Variants in PSMD1 observed in about 807,000 individuals in gnomAD.
PSMD1 encodes the protein proteasome 26S subunit, non-ATPase 1, also known as 26S proteasome non-ATPase regulatory subunit 1.
Under a neutral mutation model 119.0 loss-of-function variants are expected in PSMD1, and 18 were observed. That is an observed-to-expected ratio of 0.15 (90% CI 0.10 to 0.22). The LOEUF (loss-of-function observed/expected upper bound fraction) is 0.22, where lower values mean the gene tolerates loss of function less well. Ranked by LOEUF, PSMD1 falls within the 10% of genes least tolerant of loss-of-function variation. PSMD1 has a pLI of 1.00. For missense variants in PSMD1, 702 were observed against 1,158.5 expected (o/e 0.61, Z 5.72); for synonymous variants, 374 against 396.6 (o/e 0.94, Z 0.68).
chr2:231,157,014 T>C (rs1696521468), intron 19 of PSMD1, among the ~76,000 whole-genome samples: 1 of 152,206 alleles, frequency 6.6e-6, no homozygotes, highest in South Asian at 2.1e-4. Context: ...CTTTTCAGAT[T>C]ACTTCTTTTG....
chr2:231,087,428 C>G lies in PSMD1; in HGVS notation c.1883+247C>G, dbSNP rs182159228. Among the ~76,000 whole-genome samples the G allele has an allele frequency of 6.9e-4, 105 of 152,274 alleles. 2 individuals are homozygous for G. Among genetic ancestry groups the G allele is most frequent in the Admixed American group, 6.9e-3 (105 of 15,296 alleles). On this transcript the variant is annotated intron_variant, in intron 16 of 24. Coordinates refer to ENST00000308696, the MANE Select transcript of PSMD1 (RefSeq NM_002807.4). The stretch of plus-strand genomic sequence containing the variant: ...GTTATTTCTGTTCATTTTTTGGTAG[C>G]ATTCTGCTTATTCATTTAACTTTTT...
chr2:231,105,885 C>G (rs924808680), intron 16 of PSMD1, among the ~76,000 whole-genome samples: 5 of 152,044 alleles, frequency 3.3e-5, no homozygotes, highest in African/African-American at 1.2e-4. Flanking sequence ...ATACTGTTCT[C>G]TGTTTTTGCC....
chr2:231,170,551 C>A lies in PSMD1; in HGVS notation c.2716-15C>A. ...AAATATGAGTGTACGCTTCTGCACG[C>A]CCCTGTGTTTCCAGCTCTCTATTGG... On this transcript the variant is annotated splice_polypyrimidine_tract_variant and intron_variant, in intron 23 of 24. Coordinates refer to ENST00000308696, the MANE Select transcript of PSMD1 (RefSeq NM_002807.4). This position sits in a 1 kb window ranked among gnomAD's most constrained non-coding sequence, Gnocchi z 4.1. The A allele has an allele frequency of 6.2e-7, 1 of 1,604,312 alleles. No homozygotes were observed. Among genetic ancestry groups the A allele is most frequent in the East Asian group, 2.2e-5 (1 of 44,648 alleles).
intron 21 of PSMD1, 166 bp from the exon 22 acceptor site, chr2:231,165,034 T>TTATATATATA (rs66656378): frequency 5.0e-4 from 11 of 21,818 alleles, no homozygotes; most frequent in East Asian, 1.6e-3. Context: ...TTATATATAT[T>TTATATATATA]TATATATATA....
intron 16 of PSMD1, among the ~76,000 whole-genome samples, chr2:231,091,028 G>A (rs1483684323): frequency 6.6e-6 from 1 of 152,206 alleles, no homozygotes; most frequent in Non-Finnish European, 1.5e-5. Context: ...CCCTGGCCGA[G>A]TGATAGATGA....
intron 16 of PSMD1, among the ~76,000 whole-genome samples, chr2:231,119,898 A>G (rs925125056): frequency 6.6e-6 from 1 of 151,080 alleles, no homozygotes; most frequent in Non-Finnish European, 1.5e-5. Flanking sequence ...AAAACTTATA[A>G]ATAAACCAAT....
intron 20 of PSMD1, among the ~76,000 whole-genome samples, chr2:231,161,743 T>C (rs1269738321): frequency 1.3e-5 from 2 of 152,180 alleles, no homozygotes; most frequent in East Asian, 1.9e-4. Flanking sequence ...TGAGAAAGAA[T>C]GGTGAGAGAG....
At chr2:231,057,917 T>C (rs1051459797) in intron 1 of PSMD1, among the ~76,000 whole-genome samples, 3 of 152,250 alleles carry the variant, frequency 2.0e-5, no homozygotes, top group African/African-American at 7.2e-5. Context: ...ATTTTCTTAC[T>C]CTGTGTTTGA....
chr2:231,117,040 T>A (rs1371660055), intron 16 of PSMD1, among the ~76,000 whole-genome samples: 1 of 152,034 alleles, frequency 6.6e-6, no homozygotes, highest in Non-Finnish European at 1.5e-5. Flanking sequence ...TTAAAAACAG[T>A]TCTAGACACA....
chr2:231,108,438 A>G (rs1303470568), intron 16 of PSMD1: 4 of 1,000,248 alleles, frequency 4.0e-6, no homozygotes, highest in African/African-American at 1.6e-5. Context: ...AAAATTCTTT[A>G]TATAATATAT....
chr2:231,091,900 T>C (rs1189284647), intron 16 of PSMD1, among the ~76,000 whole-genome samples: 1 of 152,178 alleles, frequency 6.6e-6, no homozygotes, highest in Non-Finnish European at 1.5e-5. Context: ...GTTTAAGTGC[T>C]GTCGGAATGC....
At chr2:231,082,596 T>C (rs1285193024) in intron 12 of PSMD1, among the ~76,000 whole-genome samples, 5 of 152,156 alleles carry the variant, frequency 3.3e-5, no homozygotes, top group African/African-American at 1.2e-4. Context: ...TCCCAGCTAC[T>C]TGAGAGGCTA....
chr2:231,087,844 C>T (rs972998765), intron 16 of PSMD1, among the ~76,000 whole-genome samples: 1 of 152,036 alleles, frequency 6.6e-6, no homozygotes, highest in African/African-American at 2.4e-5. Context: ...CACCTGTAAT[C>T]TCAGCTACTC....
chr2:231,142,106 C>T lies in PSMD1; in HGVS notation c.1998+3256C>T, dbSNP rs1302888183. ...CCATGTTGGCCAGGCTGGTCTCGAACTCCTGACCTCAGGTTGTCCACCCGC... is the reference window on the plus strand; with the variant it reads ...CCATGTTGGCCAGGCTGGTCTCGAATTCCTGACCTCAGGTTGTCCACCCGC... On this transcript the variant is annotated intron_variant, in intron 17 of 24. Coordinates refer to ENST00000308696, the MANE Select transcript of PSMD1 (RefSeq NM_002807.4). Among the ~76,000 whole-genome samples the T allele has an allele frequency of 3.3e-5, 5 of 152,182 alleles. No homozygotes were observed. In the East Asian group the frequency reaches 9.7e-4, roughly 29 times the overall value.
rs139404085 is a variant in PSMD1 at position 231,075,950 on chromosome 2, G to A, written c.942+379G>A. Among the ~76,000 whole-genome samples the A allele has an allele frequency of 3.6e-3, 548 of 152,212 alleles. 5 individuals carry two copies. The highest frequency in any genetic ancestry group is 0.013 in the African/African-American group (527 of 41,522). ...TTAATAAATATTTCCACAGGATATTGTAAATTCTTTCAAGTATATATTCTA... is the reference window on the plus strand; with the variant it reads ...TTAATAAATATTTCCACAGGATATTATAAATTCTTTCAAGTATATATTCTA... On this transcript the variant is annotated intron_variant, in intron 8 of 24. Transcript: ENST00000308696.
In PSMD1 at chr2:231,165,914, C is replaced by A; in HGVS notation, c.2612C>A (p.Pro871His). 1 of 1,613,564 alleles carries A rather than the reference C, an allele frequency of 6.2e-7. No individual in the cohort carries two copies. Among genetic ancestry groups the A allele is most frequent in the Non-Finnish European group, 8.5e-7 (1 of 1,179,616 alleles). Residue 871 changes from proline to histidine, a missense_variant, in exon 23 of 25, where the codon CCT becomes CAT. Coordinates refer to ENST00000308696, the MANE Select transcript of PSMD1 (RefSeq NM_002807.4). ...GAGGAAAAAGAGAAGAAAAAAGAACCTGAGCCAAACTTCCAGTTATTGGAT... is the reference window on the plus strand; with the variant it reads ...GAGGAAAAAGAGAAGAAAAAAGAACATGAGCCAAACTTCCAGTTATTGGAT... Reference protein sequence around the residue: ...KKEEKEKKKEPEPNFQLLDNP... With the variant: ...KKEEKEKKKEHEPNFQLLDNP...
chr2:231,169,711 C>A (rs1696869899), intron 23 of PSMD1, among the ~76,000 whole-genome samples: 1 of 152,180 alleles, frequency 6.6e-6, no homozygotes, highest in Non-Finnish European at 1.5e-5. Context: ...TCCAGATGTG[C>A]CCTGCCACTG....
intron 16 of PSMD1, among the ~76,000 whole-genome samples, chr2:231,106,542 C>G (rs1389599955): frequency 6.6e-6 from 1 of 152,036 alleles, no homozygotes; most frequent in Non-Finnish European, 1.5e-5. Flanking sequence ...CACTTGAAGT[C>G]AGGAGGCGGA....
At chr2:231,087,794 C>G (rs1694488717) in intron 16 of PSMD1, among the ~76,000 whole-genome samples, 1 of 152,094 alleles carries the variant, frequency 6.6e-6, no homozygotes, top group Non-Finnish European at 1.5e-5. Flanking sequence ...AACCCTGTCT[C>G]TACTAAAAAT....
Sources: allele counts gnomAD v4.1 joint callset (sites outside exome capture counted in the v4.1 genomes callset), GRCh38; gene constraint gnomAD v4.1.1; non-coding constraint Gnocchi (gnomAD v3.1); transcripts MANE v1.5; gene names NCBI Gene and HGNC (gene_info 2026-07-23, HGNC 2026-07-21).